The following C12orf42 variants were observed in gnomAD, a reference collection of about 807,000 sequenced individuals.
The protein encoded by C12orf42 is uncharacterized protein C12orf42.
C12orf42 carries 25 observed loss-of-function variants against 21.6 expected under a neutral mutation model. That is an observed-to-expected ratio of 1.16 (90% CI 0.84 to 1.62). The LOEUF is 1.62. Among genes scored for constraint, C12orf42 ranks in the 40% most tolerant of loss-of-function variants. The pLI is 0.00. For missense variants in C12orf42, 483 were observed against 459.3 expected, an observed-to-expected ratio of 1.05 and a Z score of -0.47; for synonymous variants, 174 against 175.0, an observed-to-expected ratio of 0.99 and a Z score of 0.05.
intron 2 of C12orf42, among the ~76,000 whole-genome samples, chr12:103,439,306 A>G (rs1477627166): frequency 6.6e-6 from 1 of 152,120 alleles, no homozygotes; most frequent in Non-Finnish European, 1.5e-5. Context: ...ATAAAACCCT[A>G]GAAGAAAACC....
chr12:103,555,526 A>T, the C12orf42 span, among the ~76,000 whole-genome samples: 3 of 152,146 alleles, frequency 2.0e-5, no homozygotes, highest in African/African-American at 7.2e-5. Flanking sequence ...CCAGGAATTG[A>T]CATTTTCACC....
At chr12:103,402,333 C>T (rs1270676044) in intron 2 of C12orf42, among the ~76,000 whole-genome samples, 1 of 152,310 alleles carries the variant, frequency 6.6e-6, no homozygotes, top group African/African-American at 2.4e-5. Flanking sequence ...TGATTTGAAG[C>T]TTACTTGCAA....
chr12:103,342,819 G>C (rs2042276684), intron 4 of C12orf42, among the ~76,000 whole-genome samples: 1 of 152,066 alleles, frequency 6.6e-6, no homozygotes, highest in South Asian at 2.1e-4. Flanking sequence ...TCATTGTCCT[G>C]ACACAGAGGT....
At chr12:103,425,210 C>G (rs1949705383) in intron 2 of C12orf42, among the ~76,000 whole-genome samples, 3 of 152,162 alleles carry the variant, frequency 2.0e-5, no homozygotes, top group Non-Finnish European at 4.4e-5. Flanking sequence ...ATAAAAATCC[C>G]ATCTCCCTGG....
intron 1 of C12orf42, among the ~76,000 whole-genome samples, chr12:103,478,839 G>T (rs1355323835): frequency 6.6e-6 from 1 of 152,032 alleles, no homozygotes; most frequent in African/African-American, 2.4e-5. Context: ...CATTTCCAAA[G>T]TATAGACATG....
intron 4 of C12orf42, among the ~76,000 whole-genome samples, chr12:103,365,830 C>T (rs1325758065): frequency 6.6e-6 from 1 of 152,012 alleles, no homozygotes; most frequent in Non-Finnish European, 1.5e-5. Context: ...TTGTAGTTCA[C>T]ATAAACAAAT....
intron 4 of C12orf42, among the ~76,000 whole-genome samples, chr12:103,336,656 A>G (rs2137146731): frequency 6.6e-6 from 1 of 152,364 alleles, no homozygotes; most frequent in East Asian, 1.9e-4. Flanking sequence ...AAAGCTTTAC[A>G]TTTTAAGGAA....
intron 10 of C12orf42, among the ~76,000 whole-genome samples, chr12:103,239,675 G>T (rs1023993953): frequency 6.6e-6 from 1 of 152,128 alleles, no homozygotes; most frequent in African/African-American, 2.4e-5. Context: ...ATCCATCTTT[G>T]GTTCAATCAG....
At chr12:103,553,634 G>C in the C12orf42 span, among the ~76,000 whole-genome samples, 1 of 152,212 alleles carries the variant, frequency 6.6e-6, no homozygotes, top group East Asian at 1.9e-4. Context: ...GTTTGAGTCA[G>C]TTTCCTAAAT....
the C12orf42 span, among the ~76,000 whole-genome samples, chr12:103,114,171 T>C: frequency 6.6e-6 from 1 of 152,238 alleles, no homozygotes; most frequent in African/African-American, 2.4e-5. Context: ...TTTCCATTAT[T>C]GTTAAAGTGT....
intron 4 of C12orf42, among the ~76,000 whole-genome samples, chr12:103,278,291 G>C (rs1243783317): frequency 2.6e-5 from 4 of 152,132 alleles, no homozygotes. Flanking sequence ...CATTTCAAAA[G>C]ATGCTTTTAG....
intron 4 of C12orf42, among the ~76,000 whole-genome samples, chr12:103,288,019 A>C (rs943368649): frequency 1.3e-5 from 2 of 152,234 alleles, no homozygotes; most frequent in Non-Finnish European, 2.9e-5. Context: ...AACAGCGAAA[A>C]TAATTTCTTT....
chr12:103,168,088 T>G, the C12orf42 span: 1 of 455,938 alleles, frequency 2.2e-6, no homozygotes, highest in South Asian at 1.5e-5. Flanking sequence ...GTGGATACTT[T>G]TATTCACCAC....
intron 2 of C12orf42, among the ~76,000 whole-genome samples, chr12:103,467,749 A>G (rs1300759460): frequency 2.6e-5 from 4 of 152,246 alleles, no homozygotes; most frequent in Non-Finnish European, 5.9e-5. Flanking sequence ...TTTTTCAATG[A>G]CACAAAACCT....
At chr12:103,511,913 T>C in the C12orf42 span, among the ~76,000 whole-genome samples, 1 of 152,214 alleles carries the variant, frequency 6.6e-6, no homozygotes, top group Non-Finnish European at 1.5e-5. Context: ...GGCAGCCCTA[T>C]CTTCACTCCT....
upstream of C12orf42, among the ~76,000 whole-genome samples, chr12:103,498,726 T>C (rs11111614): frequency 0.17 from 26,512 of 152,072 alleles, 3,094 homozygotes; most frequent in African/African-American, 0.32. Flanking sequence ...TGCAGGTACA[T>C]GGATGGAGCT....
At chr12:103,102,852 T>C in the C12orf42 span, among the ~76,000 whole-genome samples, 6 of 152,134 alleles carry the variant, frequency 3.9e-5, no homozygotes, top group African/African-American at 1.4e-4. Context: ...CAGGGTCTTT[T>C]ACCAAGCTCA....
rs903775306 is a variant in C12orf42, at chr12:103,292,809, CTAAA to C, written n.338-15603_338-15600del. 1.7e-4 allele frequency among the ~76,000 whole-genome samples: 26 copies of C among 152,018 alleles called. No individual in the cohort carries two copies. In the South Asian group the frequency reaches 2.1e-3, roughly 12 times the overall value. On this transcript the variant is annotated intron_variant and non_coding_transcript_variant, in intron 4 of 6. Coordinates refer to the C12orf42 transcript ENST00000546526. ...TCTGAAATCTAAAGAAAATATATCC[CTAAA>C]TAGTCTATTAAAAAGGTAAACTTCA...
intron 4 of C12orf42, among the ~76,000 whole-genome samples, chr12:103,358,489 G>A (rs2043784259): frequency 6.6e-6 from 1 of 151,944 alleles, no homozygotes; most frequent in Admixed American, 6.6e-5. Context: ...TTGTGACTGA[G>A]TCCACAGAAG....
Sources: gnomAD v4.1 joint callset for allele counts (sites outside exome capture counted in the v4.1 genomes callset) on GRCh38, gnomAD v4.1.1 for gene constraint, MANE v1.5 for transcripts, NCBI Gene and HGNC (gene_info 2026-07-23, HGNC 2026-07-21) for gene names.